Variants in TACC2 observed in about 807,000 individuals in gnomAD.
The protein encoded by TACC2 is transforming acidic coiled-coil containing protein 2.
TACC2 carries 137 observed loss-of-function variants against 227.3 expected under a neutral mutation model. The ratio of observed to expected loss-of-function variants is 0.60; its 90% confidence interval spans 0.52 to 0.69. The LOEUF is 0.69. Among genes scored for constraint, TACC2 ranks in the 30% least tolerant of loss-of-function variants. The pLI is 0.00. For missense variants in TACC2, 3,470 were observed against 3,694.4 expected, an observed-to-expected ratio of 0.94 and a Z score of 1.57; for synonymous variants, 1,523 against 1,487.5, an observed-to-expected ratio of 1.02 and a Z score of -0.55.
chr10:122,176,093 CTCTCTCTCTCTCTCTCTCTCTCTCTATA>C (rs1207466860), intron 7 of TACC2, among the ~76,000 whole-genome samples: 157 of 85,704 alleles, frequency 1.8e-3, no homozygotes, highest in Middle Eastern at 0.011. Flanking sequence ...CTCTCTCTCT[CTCTCTCTCTCTCTCTCTCTCTCTCTATA>C]TATATATATA....
In TACC2 at chr10:122,009,615, G is replaced by A. The variant is rs868681754; in HGVS notation, c.-45-12322G>A. Reference sequence around the variant, plus strand: ...ACTTAACAAAGTCTTATTAATTAAGGACATTTAAAAATTATATAATGGTTG... The same window carrying A: ...ACTTAACAAAGTCTTATTAATTAAGAACATTTAAAAATTATATAATGGTTG... On this transcript the variant is annotated intron_variant, in intron 1 of 22. Transcript: ENST00000369005. 4.6e-5 allele frequency among the ~76,000 whole-genome samples: 7 copies of A among 152,140 alleles called. No homozygotes were observed. In the South Asian group the frequency reaches 1.5e-3, roughly 32 times the overall value.
chr10:122,155,591 G>A (rs2139630320), intron 7 of TACC2, among the ~76,000 whole-genome samples: 1 of 152,264 alleles, frequency 6.6e-6, no homozygotes, highest in South Asian at 2.1e-4. Context: ...TTCTTCCCAG[G>A]TTTAGAATGG....
At chr10:122,073,849 G>A (rs3862119) in intron 3 of TACC2, among the ~76,000 whole-genome samples, 17,138 of 151,944 alleles carry the variant, frequency 0.11, 1,159 homozygotes, top group Middle Eastern at 0.2. Context: ...GCGCAATCTC[G>A]GCTTACTGCA....
intron 6 of TACC2, among the ~76,000 whole-genome samples, chr10:122,140,463 T>C (rs2090364240): frequency 6.6e-6 from 1 of 152,248 alleles, no homozygotes; most frequent in Non-Finnish European, 1.5e-5. Context: ...TGGAAAACAC[T>C]GATTAACTCC....
At chr10:122,099,933 A>G (rs931548557) in intron 5 of TACC2, among the ~76,000 whole-genome samples, 29 of 152,336 alleles carry the variant, frequency 1.9e-4, no homozygotes, top group African/African-American at 7.0e-4. Context: ...AATGGAATGT[A>G]GAAAATTGCC....
At chr10:122,219,811 G>T (rs1187421191) in intron 11 of TACC2, among the ~76,000 whole-genome samples, 1 of 152,164 alleles carries the variant, frequency 6.6e-6, no homozygotes, top group African/African-American at 2.4e-5. Flanking sequence ...GCTGAGGCAG[G>T]CAGATCACTT....
chr10:122,119,803 C>A (rs1452074087), intron 5 of TACC2, among the ~76,000 whole-genome samples: 1 of 152,054 alleles, frequency 6.6e-6, no homozygotes, highest in Non-Finnish European at 1.5e-5. Context: ...CCCGTCATCT[C>A]AGCTACTCGG....
chr10:122,186,723 G>C (rs2140378711), intron 7 of TACC2, among the ~76,000 whole-genome samples: 1 of 152,264 alleles, frequency 6.6e-6, no homozygotes, highest in Non-Finnish European at 1.5e-5. Flanking sequence ...ATGTTGGCCA[G>C]GCTGGCCTCG....
chr10:122,175,142 T>A (rs1289463896), intron 7 of TACC2, among the ~76,000 whole-genome samples: 2 of 151,970 alleles, frequency 1.3e-5, no homozygotes, highest in Non-Finnish European at 2.9e-5. Context: ...TTTATAGAGA[T>A]GAGGTTTCTG....
intron 7 of TACC2, among the ~76,000 whole-genome samples, chr10:122,182,845 G>C (rs571746382): frequency 5.9e-5 from 9 of 152,314 alleles, no homozygotes; most frequent in African/African-American, 2.2e-4. Context: ...GGTAGAGTCA[G>C]AGGCAGGTTC....
At chr10:122,135,334 C>G (rs2089389706) in intron 6 of TACC2, among the ~76,000 whole-genome samples, 1 of 152,300 alleles carries the variant, frequency 6.6e-6, no homozygotes, top group South Asian at 2.1e-4. Flanking sequence ...ACCTACAACC[C>G]TGACCAAGAG....
chr10:122,238,080 T>TAA (rs2095895911), intron 18 of TACC2, 43 bp downstream of exon 18: 2 of 1,513,930 alleles, frequency 1.3e-6, no homozygotes, highest in Non-Finnish European at 1.8e-6. Flanking sequence ...GAGGGATACT[T>TAA]ACCTGTGGTT....
At chr10:122,104,177 C>T (rs1409201695) in intron 5 of TACC2, among the ~76,000 whole-genome samples, 2 of 152,120 alleles carry the variant, frequency 1.3e-5, no homozygotes, top group Non-Finnish European at 2.9e-5. Context: ...AGAGTCAATT[C>T]TTACTGCCTA....
chr10:122,069,417 AT>A (rs1393977297), intron 3 of TACC2, among the ~76,000 whole-genome samples: 1 of 151,314 alleles, frequency 6.6e-6, no homozygotes, highest in Non-Finnish European at 1.5e-5. Flanking sequence ...AATTTTTTAT[AT>A]TTTTTAGTAG....
intron 2 of TACC2, among the ~76,000 whole-genome samples, chr10:122,039,913 A>G (rs1351764420): frequency 2.0e-5 from 3 of 152,144 alleles, no homozygotes; most frequent in Admixed American, 2.0e-4. Context: ...TCCCACACTC[A>G]GCCTGAAACC....
intron 5 of TACC2, among the ~76,000 whole-genome samples, chr10:122,104,543 G>A (rs10887069): frequency 0.26 from 39,766 of 151,718 alleles, 5,534 homozygotes; most frequent in Non-Finnish European, 0.31. Context: ...TAATTTTTTT[G>A]TATCTTTAGT....
At chr10:122,090,391 C>CA (rs2080629234) in intron 5 of TACC2, among the ~76,000 whole-genome samples, 1 of 151,126 alleles carries the variant, frequency 6.6e-6, no homozygotes, top group African/African-American at 2.4e-5. Flanking sequence ...CTAAAAAATA[C>CA]AAAAAATTAG....
chr10:122,203,310 G>A (rs1188994675), intron 8 of TACC2, among the ~76,000 whole-genome samples: 1 of 136,088 alleles, frequency 7.3e-6, no homozygotes, highest in African/African-American at 3.5e-5. Context: ...CCCAGTAGGG[G>A]CGGCCGGGCA....
chr10:122,200,561 C>CAT (rs2094762616), intron 8 of TACC2, among the ~76,000 whole-genome samples: 1 of 127,012 alleles, frequency 7.9e-6, no homozygotes, highest in Non-Finnish European at 1.6e-5. Context: ...ACAGTGGCTG[C>CAT]GTTCACATGG....
Sources: gnomAD v4.1 joint callset for allele counts (sites outside exome capture counted in the v4.1 genomes callset) on GRCh38, gnomAD v4.1.1 for gene constraint, MANE v1.5 for transcripts, NCBI Gene and HGNC (gene_info 2026-07-23, HGNC 2026-07-21) for gene names.